The following METTL9 variants were observed in gnomAD, a reference collection of about 807,000 sequenced individuals.
METTL9 encodes the protein protein-L-histidine N-pros-methyltransferase.
Under a neutral mutation model 36.0 loss-of-function variants are expected in METTL9, and 10 were observed. The observed-to-expected ratio is 0.28, with a 90% CI of 0.17 to 0.47. The LOEUF (loss-of-function observed/expected upper bound fraction) is 0.47. METTL9 is among the 20% of genes least tolerant of loss of function. The pLI, the probability that METTL9 is intolerant of heterozygous loss-of-function variation, is 0.99. For missense variants in METTL9, 246 were observed against 383.5 expected (o/e 0.64, Z 3.00); for synonymous variants, 175 against 149.7 (o/e 1.17, Z -1.23).
chr16:21,645,662 C>T (rs1220829144), intron 4 of METTL9, among the ~76,000 whole-genome samples: 1 of 152,198 alleles, frequency 6.6e-6, no homozygotes, highest in African/African-American at 2.4e-5. Context: ...TTCACTTTCA[C>T]TTCACTTTAT....
chr16:21,655,068 C>T, intron 4 of METTL9, 159 bp from the exon 5 acceptor site: 1 of 646,484 alleles, frequency 1.5e-6, no homozygotes, highest in Non-Finnish European at 2.7e-6. Flanking sequence ...TATCTGCCCA[C>T]CTGTCTCAAA....
At chr16:21,643,404 G>A (rs1276273489) in intron 4 of METTL9, 6 of 634,702 alleles carry the variant, frequency 9.5e-6, no homozygotes, top group Non-Finnish European at 1.4e-5. Context: ...TCAACAATAG[G>A]AAATAGTGTC....
intron 1 of METTL9, among the ~76,000 whole-genome samples, chr16:21,608,675 G>C (rs1965352489): frequency 6.6e-6 from 1 of 152,128 alleles, no homozygotes; most frequent in Non-Finnish European, 1.5e-5. Context: ...GTAACCTGAT[G>C]GATAGGCACT....
chr16:21,619,587 A>ATTT lies in METTL9; in HGVS notation c.566+1533_566+1535dup, dbSNP rs35728063. On this transcript the variant is annotated intron_variant, in intron 3 of 4. Transcript: ENST00000358154. ...AGGCACATGCCACTATGCCCGGCTA[A>ATTT]TTTTTTTTTTTTTTTTTTTTTTGTA... 1.4e-3 allele frequency among the ~76,000 whole-genome samples: 174 copies of ATTT among 124,198 alleles called. 2 individuals carry two copies. The highest frequency in any genetic ancestry group is 3.7e-3 in the South Asian group (14 of 3,742). The allele number at this position is 124,198 out of a possible 152,430, so 81.5% of individuals were successfully genotyped here. A position where few individuals can be genotyped will look rare whatever the true frequency, so the allele number is the denominator to read the frequency against.
upstream of METTL9, chr16:21,599,397 G>A (rs1965031734): frequency 3.7e-6 from 4 of 1,076,258 alleles, no homozygotes; most frequent in Non-Finnish European, 3.4e-6. The surrounding 1 kb of genome is among the most constrained non-coding windows in gnomAD (Gnocchi z 4.4). Flanking sequence ...CGCTCCGGGC[G>A]GATGCGCGCT....
intron 3 of METTL9, 32 bp from the exon 4 acceptor site, chr16:21,624,899 T>C (rs997695001): frequency 5.0e-6 from 8 of 1,594,472 alleles, no homozygotes; most frequent in South Asian, 1.1e-5. Flanking sequence ...AGAGGGACTT[T>C]ATGTTAATAC....
At chr16:21,604,529 A>G (rs1254133151) in intron 1 of METTL9, among the ~76,000 whole-genome samples, 1 of 152,150 alleles carries the variant, frequency 6.6e-6, no homozygotes, top group Non-Finnish European at 1.5e-5. Context: ...CCCCTCATGG[A>G]TATGAGGGTG....
At chr16:21,612,980 C>T (rs201696232) in intron 2 of METTL9, 145 bp downstream of exon 2, 2 of 678,454 alleles carry the variant, frequency 2.9e-6, no homozygotes, top group Non-Finnish European at 4.7e-6. Flanking sequence ...GTTGGTCCAG[C>T]GTTCTATCTT....
intron 4 of METTL9, among the ~76,000 whole-genome samples, chr16:21,636,842 A>C (rs932153006): frequency 6.6e-6 from 1 of 152,160 alleles, no homozygotes; most frequent in African/African-American, 2.4e-5. Context: ...CTAAGGAAAA[A>C]TAGGACAGAA....
rs180993414 is a variant in METTL9 at position 21,652,866 on chromosome 16, C to T, written c.752-2361C>T. 11 of 379,686 alleles carry T rather than the reference C, an allele frequency of 2.9e-5. No individual in the cohort carries two copies. In the East Asian group the frequency reaches 4.5e-4, roughly 15 times the overall value. 23.5% of individuals were successfully genotyped at this position (379,686 alleles called of 1,614,324 possible). A position where few individuals can be genotyped will look rare whatever the true frequency, so the allele number is the denominator to read the frequency against. On this transcript the variant is annotated intron_variant, in intron 4 of 4. Transcript: ENST00000358154. The stretch of plus-strand genomic sequence containing the variant: ...TTTCTGGGTGAGATTTTGATTTACA[C>T]CTAGCACATATTTCCAGGAAGGAGT...
chr16:21,615,452 C>T (rs895603324), intron 2 of METTL9, among the ~76,000 whole-genome samples: 1 of 152,018 alleles, frequency 6.6e-6, no homozygotes. Context: ...TGGTCTCAAA[C>T]ACCTGGTTTC....
intron 2 of METTL9, among the ~76,000 whole-genome samples, chr16:21,617,590 G>A (rs759892933): frequency 4.0e-5 from 6 of 151,746 alleles, no homozygotes; most frequent in Admixed American, 2.6e-4. Context: ...TAAGCCGGGT[G>A]TGGTGGTGCA....
chr16:21,633,172 C>T (rs1212896378), intron 4 of METTL9, among the ~76,000 whole-genome samples: 1 of 152,084 alleles, frequency 6.6e-6, no homozygotes, highest in Non-Finnish European at 1.5e-5. Context: ...GTATTTGTTC[C>T]TTGCTGAGGG....
chr16:21,631,399 T>A (rs894208638), intron 4 of METTL9, among the ~76,000 whole-genome samples: 1 of 152,232 alleles, frequency 6.6e-6, no homozygotes. Context: ...TAATAAGACC[T>A]CGTTTAGTGT....
chr16:21,605,067 C>T (rs556309765), intron 1 of METTL9, among the ~76,000 whole-genome samples: 2 of 151,990 alleles, frequency 1.3e-5, no homozygotes, highest in African/African-American at 2.4e-5. Context: ...TGGTATCATC[C>T]GCACTTTACA....
chr16:21,622,234 T>A (rs560375862), intron 3 of METTL9, among the ~76,000 whole-genome samples: 1 of 147,472 alleles, frequency 6.8e-6, no homozygotes, highest in Non-Finnish European at 1.5e-5. Context: ...AACCTCAAAC[T>A]CTTGTGTTCA....
At chr16:21,623,499 A>G (rs1222666538) in intron 3 of METTL9, among the ~76,000 whole-genome samples, 1 of 152,150 alleles carries the variant, frequency 6.6e-6, no homozygotes, top group Non-Finnish European at 1.5e-5. Context: ...TCTCTATCAT[A>G]ACATATCTCA....
intron 4 of METTL9, among the ~76,000 whole-genome samples, chr16:21,629,966 C>G (rs1383127761): frequency 1.3e-5 from 2 of 152,136 alleles, no homozygotes; most frequent in African/African-American, 2.4e-5. Flanking sequence ...CTCCAAGTCC[C>G]CTACCTGATT....
intron 4 of METTL9, among the ~76,000 whole-genome samples, chr16:21,643,761 A>G (rs1966341603): frequency 1.3e-5 from 2 of 152,186 alleles, no homozygotes. Context: ...TCCATTAAAA[A>G]CTAATTGAAC....
Sources: gnomAD v4.1 joint callset for allele counts (sites outside exome capture counted in the v4.1 genomes callset) on GRCh38, gnomAD v4.1.1 for gene constraint, Gnocchi (gnomAD v3.1) non-coding constraint, MANE v1.5 for transcripts, NCBI Gene and HGNC (gene_info 2026-07-23, HGNC 2026-07-21) for gene names.